The following ZNF155 variants were observed in gnomAD, a reference collection of about 807,000 sequenced individuals.
The protein encoded by ZNF155 is zinc finger protein 155.
Under a neutral mutation model 11.9 loss-of-function variants are expected in ZNF155, and 15 were observed. The observed-to-expected ratio is 1.26, with a 90% CI of 0.84 to 1.94. The LOEUF is 1.94. Among genes scored for constraint, ZNF155 ranks in the 30% most tolerant of loss-of-function variants. The pLI is 0.00. For synonymous variants in ZNF155, 212 were observed against 219.9 expected (o/e 0.96, Z 0.32); for missense variants, 602 against 639.1 (o/e 0.94, Z 0.63).
intron 4 of ZNF155, among the ~76,000 whole-genome samples, chr19:43,995,374 G>C (rs1975808678): frequency 6.7e-6 from 1 of 149,756 alleles, no homozygotes; most frequent in East Asian, 2.0e-4. Context: ...CCAAAATGCT[G>C]GGATTACAGG....
At chr19:43,988,639 G>T in intron 2 of ZNF155, 81 bp downstream of exon 2, 1 of 1,473,420 alleles carries the variant, frequency 6.8e-7, no homozygotes, top group South Asian at 1.4e-5. Context: ...GTCATGAGAA[G>T]ACTCAAGGGG....
At chr19:43,991,807 G>T (rs181873041) in intron 3 of ZNF155, 35 bp from the exon 4 acceptor site, 2 of 1,608,888 alleles carry the variant, frequency 1.2e-6, no homozygotes, top group East Asian at 4.5e-5. Flanking sequence ...CCCAGAATGT[G>T]TTGGGATTCA....
At chr19:43,992,931 C>T (rs990745710) in intron 4 of ZNF155, among the ~76,000 whole-genome samples, 1 of 152,204 alleles carries the variant, frequency 6.6e-6, no homozygotes, top group South Asian at 2.1e-4. Flanking sequence ...TTTTTATGAC[C>T]ACACTGAGTA....
At chr19:43,995,045 G>T (rs1388600081) in intron 4 of ZNF155, among the ~76,000 whole-genome samples, 1 of 152,056 alleles carries the variant, frequency 6.6e-6, no homozygotes, top group East Asian at 1.9e-4. Context: ...GACACTTCAG[G>T]ATCCTAGAGA....
At chr19:43,988,229 A>T (rs1161019151) in intron 1 of ZNF155, among the ~76,000 whole-genome samples, 1 of 152,206 alleles carries the variant, frequency 6.6e-6, no homozygotes, top group East Asian at 1.9e-4. Flanking sequence ...GGGATCGTAT[A>T]ATCCATGGGT....
At chr19:43,985,773 C>G (rs979416251) in intron 1 of ZNF155, among the ~76,000 whole-genome samples, 2 of 151,850 alleles carry the variant, frequency 1.3e-5, no homozygotes, top group African/African-American at 2.4e-5. Flanking sequence ...AACTCCTGAC[C>G]TCGTGATCCG....
intron 1 of ZNF155, among the ~76,000 whole-genome samples, chr19:43,986,527 G>A (rs953398769): frequency 6.8e-6 from 1 of 146,924 alleles, no homozygotes; most frequent in Non-Finnish European, 1.5e-5. Context: ...TCGGCTCACT[G>A]TGAGCTCCGC....
In ZNF155 at chr19:43,996,379, G is replaced by C; in HGVS notation, c.522G>C (p.Lys174Asn). Reference protein sequence around the residue: ...DLPQQLYSEEKSYTCDECGKS... With the variant: ...DLPQQLYSEENSYTCDECGKS... The stretch of plus-strand genomic sequence containing the variant: ...CTCAGCAGTTATACTCAGAAGAGAA[G>C]TCTTATACATGTGATGAGTGTGGAA... The change falls in exon 5 of 5, where the codon AAG becomes AAC. Residue 174 changes from lysine to asparagine, a missense_variant. Lys to Asn is a moderately conservative substitution (Grantham distance 94). Coordinates refer to ENST00000270014, the MANE Select transcript of ZNF155 (RefSeq NM_198089.3). The C allele has an allele frequency of 2.5e-6, 4 of 1,614,188 alleles. No individual in the cohort carries two copies. Among genetic ancestry groups the C allele is most frequent in the Non-Finnish European group, 3.4e-6 (4 of 1,180,026 alleles).
chr19:43,990,221 G>A lies in ZNF155; in HGVS notation c.16-1327G>A, dbSNP rs1414821159. 6.2e-6 allele frequency: 4 copies of A among 646,330 alleles called. No individual in the cohort carries two copies. In the East Asian group the frequency reaches 1.3e-4, roughly 21 times the overall value. 40.0% of individuals were successfully genotyped at this position (646,330 alleles called of 1,614,324 possible). A position where few individuals can be genotyped will look rare whatever the true frequency, so the allele number is the denominator to read the frequency against. On this transcript the variant is annotated intron_variant, in intron 2 of 4. Coordinates refer to ENST00000270014, the MANE Select transcript of ZNF155 (RefSeq NM_198089.3). ...TTGAAATTATTATTTTAAACAATGA[G>A]AGAGTAAGATGTTCTTACATCTTGC...
At position 43,991,822 on chromosome 19, in the gene ZNF155, G is replaced by T. The variant is rs750849930; in HGVS notation, c.143-20G>T. 5 of 1,611,158 alleles carry T rather than the reference G, an allele frequency of 3.1e-6. No homozygotes were observed. The Admixed American group carries it at 5.0e-5, about 16-fold the overall frequency. On this transcript the variant is annotated intron_variant, in intron 3 of 4. Transcript: ENST00000270014. ...CCCAGAATGTGTTGGGATTCAGCAC[G>T]TGACCTTACCTATTCACAGGGCATC...
At chr19:43,989,542 A>G (rs1371676972) in intron 2 of ZNF155, among the ~76,000 whole-genome samples, 4 of 151,992 alleles carry the variant, frequency 2.6e-5, no homozygotes, top group Non-Finnish European at 5.9e-5. Context: ...AAAGAGAAAC[A>G]AGGAGAGAGA....
chr19:43,996,153 C>T lies in ZNF155; in HGVS notation c.296C>T (p.Ser99Phe). The change falls in exon 5 of 5, where the codon TCC becomes TTC. Residue 99 changes from serine (S) to phenylalanine (F), a missense_variant. By Grantham distance (155) the Ser-to-Phe change is radical. Coordinates refer to ENST00000270014, the MANE Select transcript of ZNF155 (RefSeq NM_198089.3). ...VPEAGAHEEW[S>F]CQQIWEQIAK... Reference sequence around the variant, plus strand: ...GAAGCAGGAGCACATGAAGAGTGGTCCTGCCAGCAAATCTGGGAACAAATT... The same window carrying T: ...GAAGCAGGAGCACATGAAGAGTGGTTCTGCCAGCAAATCTGGGAACAAATT... 1 of 1,613,756 alleles carries T rather than the reference C, an allele frequency of 6.2e-7. No individual in the cohort carries two copies. The highest frequency in any genetic ancestry group is 8.5e-7 in the Non-Finnish European group (1 of 1,179,796).
Position 43,996,832 on chromosome 19 carries a change from T to A in ZNF155, c.975T>A (p.Phe325Leu). 6.2e-7 allele frequency: 1 copy of A among 1,614,074 alleles called. No homozygotes were observed. Among genetic ancestry groups the A allele is most frequent in the Non-Finnish European group, 8.5e-7 (1 of 1,180,010 alleles). Residue 325 changes from phenylalanine (F) to leucine (L), a missense_variant, in exon 5 of 5, where the codon TTT becomes TTA. Physicochemically the swap from Phe to Leu is conservative, Grantham distance 22. Transcript: ENST00000270014. ...GGTGTGATACATGTGATAAGAGCTT[T>A]CATCAGAGATCAGCACTTAATAGGC... ...PFRCDTCDKS[F>L]HQRSALNRHC...
At chr19:43,988,437 A>C in intron 1 of ZNF155, 22 bp from the exon 2 acceptor site, 1 of 1,251,316 alleles carries the variant, frequency 8.0e-7, no homozygotes, top group Non-Finnish European at 1.1e-6. Flanking sequence ...AATTCACAAC[A>C]CACATCTCTC....
At chr19:43,991,180 G>C (rs1394214469) in intron 2 of ZNF155, among the ~76,000 whole-genome samples, 1 of 152,184 alleles carries the variant, frequency 6.6e-6, no homozygotes, top group Non-Finnish European at 1.5e-5. Context: ...GTACGAGAGA[G>C]GAGGACCCAA....
At position 43,997,398 on chromosome 19, in the gene ZNF155, G is replaced by A. The variant is rs750070982; in HGVS notation, c.1541G>A (p.Cys514Tyr). The A allele has an allele frequency of 1.9e-6, 3 of 1,613,748 alleles. No individual in the cohort carries two copies. Among genetic ancestry groups the A allele is most frequent in the South Asian group, 1.1e-5 (1 of 91,034 alleles). The change falls in exon 5 of 5, where the codon TGT (cysteine) becomes TAT (tyrosine). Residue 514 changes from cysteine to tyrosine, a missense_variant. Cys to Tyr is a radical substitution (Grantham distance 194). Coordinates refer to ENST00000270014, the MANE Select transcript of ZNF155 (RefSeq NM_198089.3). The stretch of plus-strand genomic sequence containing the variant: ...TATAGTGGGGAAAACCCATCCAAAT[G>A]TGAGGATTGTGGGAGACGCTACAAG... ...RDYSGENPSKCEDCGRRYKRR... is the reference protein window; with the variant it reads ...RDYSGENPSKYEDCGRRYKRR...
At chr19:43,990,932 C>T (rs965629455) in intron 2 of ZNF155, among the ~76,000 whole-genome samples, 1 of 152,122 alleles carries the variant, frequency 6.6e-6, no homozygotes, top group African/African-American at 2.4e-5. Context: ...GAAGGCAGCC[C>T]ACCCGAGGTT....
In ZNF155 at chr19:43,984,247, T is replaced by C. The variant is rs1019320643; in HGVS notation, c.-86+2T>C. ...ACTTAACAAGGTGGTTTGAGCCAAG[T>C]ATGTGTCTTGCGGGTCTTTGCGAAA... On this transcript the variant is annotated splice_donor_variant, in intron 1 of 4. Transcript: ENST00000270014. LOFTEE classifies it low-confidence loss of function (5UTR_SPLICE). 6.6e-6 allele frequency: 1 copy of C among 151,942 alleles called. No homozygotes were observed. The highest frequency in any genetic ancestry group is 1.5e-5 in the Non-Finnish European group (1 of 68,024). 9.4% of individuals were successfully genotyped at this position (151,942 alleles called of 1,614,324 possible).
At chr19:43,984,770 T>C (rs1975375004) in intron 1 of ZNF155, among the ~76,000 whole-genome samples, 1 of 152,200 alleles carries the variant, frequency 6.6e-6, no homozygotes, top group Non-Finnish European at 1.5e-5. Flanking sequence ...GAGCTCCAGC[T>C]GCTCCGGCCC....
Sources: gnomAD v4.1 joint callset for allele counts (sites outside exome capture counted in the v4.1 genomes callset) on GRCh38, gnomAD v4.1.1 for gene constraint, MANE v1.5 for transcripts, NCBI Gene and HGNC (gene_info 2026-07-23, HGNC 2026-07-21) for gene names.